The following SV2C variants were observed in gnomAD, a reference collection of about 807,000 sequenced individuals.
SV2C encodes the protein solute carrier family 22 member B3.
SV2C carries 49 observed loss-of-function variants against 79.7 expected under a neutral mutation model. The observed-to-expected ratio is 0.61, with a 90% CI of 0.49 to 0.78. The LOEUF is 0.78. Among genes scored for constraint, SV2C ranks in the 30% least tolerant of loss-of-function variants. The pLI is 0.00. For missense variants in SV2C, 833 were observed against 912.9 expected, an observed-to-expected ratio of 0.91 and a Z score of 1.13; for synonymous variants, 334 against 333.2, an observed-to-expected ratio of 1.00 and a Z score of -0.03.
At chr5:76,033,156 C>G in the SV2C span, among the ~76,000 whole-genome samples, 28 of 151,884 alleles carry the variant, frequency 1.8e-4, no homozygotes, top group Admixed American at 3.3e-4. Context: ...AGCCCTTTGT[C>G]AGATGAGTAG....
At chr5:75,871,069 A>G in the SV2C span, among the ~76,000 whole-genome samples, 1 of 152,244 alleles carries the variant, frequency 6.6e-6, no homozygotes, top group Non-Finnish European at 1.5e-5. Context: ...GGTTTATTTC[A>G]GAATTGAAAG....
intron 9 of SV2C, 46 bp downstream of exon 9, chr5:76,295,988 C>CT: frequency 6.6e-7 from 1 of 1,506,284 alleles, no homozygotes; most frequent in Non-Finnish European, 8.9e-7. Context: ...TTCACAAAAA[C>CT]TTATTTCTTC....
chr5:76,026,986 C>A, the SV2C span, among the ~76,000 whole-genome samples: 3 of 151,888 alleles, frequency 2.0e-5, no homozygotes, highest in African/African-American at 7.3e-5. Context: ...AATTACTCTG[C>A]CAGCTTTTTA....
chr5:76,309,140 G>GAGTT (rs1395943457), intron 12 of SV2C, among the ~76,000 whole-genome samples: 2 of 152,148 alleles, frequency 1.3e-5, no homozygotes, highest in Non-Finnish European at 2.9e-5. Context: ...GGAAGTAAAA[G>GAGTT]AGTTACTCAA....
At chr5:76,030,289 T>TTTTTATTTATTTATTTATTTATTTA in the SV2C span, among the ~76,000 whole-genome samples, 1 of 117,874 alleles carries the variant, frequency 8.5e-6, no homozygotes, top group African/African-American at 3.9e-5. Flanking sequence ...TTTTTTTTTT[T>TTTTTATTTATTTATTTATTTATTTA]TTTATTTATT....
At chr5:76,152,878 A>G (rs905204121) in intron 2 of SV2C, among the ~76,000 whole-genome samples, 1 of 152,242 alleles carries the variant, frequency 6.6e-6, no homozygotes, top group African/African-American at 2.4e-5. Flanking sequence ...GTAGGCTGGT[A>G]CTGCACATCA....
upstream of SV2C, among the ~76,000 whole-genome samples, chr5:76,081,226 G>A (rs1437822965): frequency 6.6e-6 from 1 of 152,166 alleles, no homozygotes; most frequent in Admixed American, 6.5e-5. Flanking sequence ...CATAAAGAAC[G>A]TTGATCACGT....
intron 2 of SV2C, among the ~76,000 whole-genome samples, chr5:76,153,402 C>T (rs746844206): frequency 2.0e-5 from 3 of 152,192 alleles, no homozygotes. Context: ...CTCTCTGCTT[C>T]CTGAAGAGGG....
the SV2C span, among the ~76,000 whole-genome samples, chr5:76,063,256 C>T: frequency 6.6e-6 from 1 of 152,142 alleles, no homozygotes; most frequent in Non-Finnish European, 1.5e-5. Flanking sequence ...AGATTTCCTA[C>T]ATTTTGTGTC....
chr5:75,879,054 C>A, the SV2C span, among the ~76,000 whole-genome samples: 1 of 152,126 alleles, frequency 6.6e-6, no homozygotes, highest in East Asian at 1.9e-4. Flanking sequence ...CTCATGTGAA[C>A]TCAGAACGAG....
the SV2C span, among the ~76,000 whole-genome samples, chr5:76,042,890 A>G: frequency 9.0e-4 from 137 of 151,946 alleles, 1 homozygote; most frequent in African/African-American, 3.2e-3. Context: ...CTGATCCCAT[A>G]CTCTATAGCA....
the SV2C span, among the ~76,000 whole-genome samples, chr5:75,999,370 GGAGAAAGAGAGAGAGAGAGA>G: frequency 1.2e-5 from 1 of 85,810 alleles, no homozygotes; most frequent in Non-Finnish European, 2.3e-5. Flanking sequence ...AGGGAGGGAG[GGAGAAAGAGAGAGAGAGAGA>G]GAGAGAGAGA....
At chr5:75,979,654 A>C in the SV2C span, among the ~76,000 whole-genome samples, 2 of 152,004 alleles carry the variant, frequency 1.3e-5, no homozygotes, top group Admixed American at 6.6e-5. Flanking sequence ...ATTAAGGCAG[A>C]AATCAAGAAG....
the SV2C span, among the ~76,000 whole-genome samples, chr5:75,872,816 G>A: frequency 1.3e-5 from 2 of 151,954 alleles, no homozygotes; most frequent in African/African-American, 4.8e-5. Flanking sequence ...GCTAAATGAC[G>A]AGTTAATGGG....
the SV2C span, among the ~76,000 whole-genome samples, chr5:75,900,917 C>A: frequency 1.3e-5 from 2 of 152,186 alleles, no homozygotes; most frequent in African/African-American, 2.4e-5. Flanking sequence ...AGTTCTTGAG[C>A]CTTGGTTTTC....
the SV2C span, among the ~76,000 whole-genome samples, chr5:75,898,315 A>G: frequency 1.1e-4 from 16 of 152,288 alleles, no homozygotes; most frequent in African/African-American, 3.1e-4. Flanking sequence ...TTCTGCATCT[A>G]TTGAGATAAT....
chr5:76,051,078 A>T, the SV2C span, among the ~76,000 whole-genome samples: 2 of 152,234 alleles, frequency 1.3e-5, no homozygotes, highest in Non-Finnish European at 2.9e-5. Context: ...TGTAATGAGT[A>T]AAAAGTATCT....
At chr5:75,970,463 T>C in the SV2C span, among the ~76,000 whole-genome samples, 2 of 151,908 alleles carry the variant, frequency 1.3e-5, no homozygotes, top group Non-Finnish European at 2.9e-5. Flanking sequence ...AAGAATCAAA[T>C]AGACGCAATA....
At chr5:76,152,157 C>G (rs1273871080) in intron 2 of SV2C, among the ~76,000 whole-genome samples, 1 of 152,166 alleles carries the variant, frequency 6.6e-6, no homozygotes, top group East Asian at 1.9e-4. Flanking sequence ...GAAAAGGACA[C>G]AGGCAGTGGC....
Sources: gnomAD v4.1 joint callset for allele counts (sites outside exome capture counted in the v4.1 genomes callset) on GRCh38, gnomAD v4.1.1 for gene constraint, MANE v1.5 for transcripts, NCBI Gene and HGNC (gene_info 2026-07-23, HGNC 2026-07-21) for gene names.